Variants in RTN1 observed in about 807,000 individuals in gnomAD.
RTN1 encodes reticulon 1, also known as reticulon-1.
Under a neutral mutation model 65.5 loss-of-function variants are expected in RTN1, and 25 were observed. The ratio of observed to expected loss-of-function variants is 0.38; its 90% CI spans 0.28 to 0.53. The LOEUF is 0.53. RTN1 is among the 20% of genes least tolerant of loss of function. The probability of loss-of-function intolerance (pLI) is 0.79; values close to 1 mark genes in which losing one functional copy is unlikely to be tolerated. For synonymous variants in RTN1, 471 were observed against 447.6 expected (o/e 1.05, Z -0.66); for missense variants, 983 against 1,025.4 (o/e 0.96, Z 0.57).
At chr14:59,835,297 G>T (rs1166401624) in intron 1 of RTN1, among the ~76,000 whole-genome samples, 5 of 151,930 alleles carry the variant, frequency 3.3e-5, no homozygotes, top group Non-Finnish European at 7.4e-5. Context: ...AAAAATCAAG[G>T]AAACTAATGA....
chr14:59,612,562 T>C (rs115417329), intron 3 of RTN1, among the ~76,000 whole-genome samples: 8 of 152,348 alleles, frequency 5.3e-5, no homozygotes, highest in African/African-American at 1.7e-4. Context: ...TGTCTTTCTG[T>C]GTTCTGTAAC....
Position 59,749,559 on chromosome 14 carries a change from C to T in RTN1, c.242-3078G>A, listed in dbSNP as rs1327150984. 1.5e-3 allele frequency among the ~76,000 whole-genome samples: 45 copies of T among 29,446 alleles called. 11 individuals are homozygous for T. Among genetic ancestry groups the T allele is most frequent in the African/African-American group, 9.2e-3 (31 of 3,374 alleles). 19.3% of individuals were successfully genotyped at this position (29,446 alleles called of 152,430 possible). A position where few individuals can be genotyped will look rare whatever the true frequency, so the allele number is the denominator to read the frequency against. On this transcript the variant is annotated intron_variant, in intron 1 of 8. Coordinates refer to ENST00000267484, the MANE Select transcript of RTN1 (RefSeq NM_021136.3). The stretch of plus-strand genomic sequence containing the variant: ...TATCTATATATATTTATATAGATAT[C>T]TATATATAGATATATATATATAGAT...
chr14:59,841,015 T>G (rs1887301898), intron 1 of RTN1, among the ~76,000 whole-genome samples: 2 of 152,212 alleles, frequency 1.3e-5, no homozygotes, highest in African/African-American at 4.8e-5. Context: ...ATATGTGACC[T>G]TCAGCAGCTT....
chr14:59,682,442 C>A (rs58442584), intron 3 of RTN1, among the ~76,000 whole-genome samples: 3,550 of 152,268 alleles, frequency 0.023, 145 homozygotes, highest in African/African-American at 0.081. Context: ...GCCTTTCCTG[C>A]TGTTGAAGTT....
At position 59,726,966 on chromosome 14, in the gene RTN1, A is replaced by T. The variant is rs1332221144; in HGVS notation, c.1718T>A (p.Leu573Gln). 19 of 1,613,266 alleles carry T rather than the reference A, an allele frequency of 1.2e-5. No homozygotes were observed. Among genetic ancestry groups the T allele is most frequent in the Non-Finnish European group, 1.5e-5 (18 of 1,179,708 alleles). ...CAGTGGGGGCGGGGCGCCAGGACCT[A>T]GAGGCCCAGGGCCCTTTGTGGCCGC... is the stretch of plus-strand genomic sequence containing the variant. ...SPAATKGPGPLGPGAPPPLLF... is the reference protein window; with the variant it reads ...SPAATKGPGPQGPGAPPPLLF... The change falls in exon 3 of 9, where the codon CTA (leucine) becomes CAA (glutamine). Residue 573 changes from leucine (L) to glutamine (Q), a missense_variant. Leu to Gln is a moderately radical substitution (Grantham distance 113, BLOSUM62 -2). Around this residue, in one of 2 missense-constraint regions of RTN1, gnomAD observed 818 missense variants for 801.8 expected, o/e 1.02. Coordinates refer to ENST00000267484, the MANE Select transcript of RTN1 (RefSeq NM_021136.3).
At chr14:59,681,418 CCATA>C (rs201412681) in intron 3 of RTN1, among the ~76,000 whole-genome samples, 3,403 of 152,222 alleles carry the variant, frequency 0.022, 130 homozygotes, top group African/African-American at 0.078. Flanking sequence ...AAAATGTTCT[CCATA>C]CTATTTTTTC....
intron 3 of RTN1, chr14:59,630,419 C>A (rs1222887660): frequency 1.2e-6 from 2 of 1,612,842 alleles, no homozygotes; most frequent in African/African-American, 1.3e-5. Flanking sequence ...GCGCCTCAGG[C>A]ATGCACTACT....
At chr14:59,654,112 T>G (rs956712530) in intron 3 of RTN1, among the ~76,000 whole-genome samples, 2 of 152,080 alleles carry the variant, frequency 1.3e-5, no homozygotes, top group African/African-American at 4.8e-5. Context: ...CAGCAGTACT[T>G]CACAAATTCT....
At chr14:59,637,329 C>A (rs151010989) in intron 3 of RTN1, among the ~76,000 whole-genome samples, 51 of 152,298 alleles carry the variant, frequency 3.3e-4, no homozygotes, top group Middle Eastern at 6.8e-3. Flanking sequence ...TATCTTTGGG[C>A]TCTACTTCTA....
At chr14:59,780,476 T>C (rs1187193542) in intron 1 of RTN1, among the ~76,000 whole-genome samples, 1 of 152,162 alleles carries the variant, frequency 6.6e-6, no homozygotes, top group African/African-American at 2.4e-5. Context: ...AAGAAAGCAT[T>C]ACCTAATGGT....
chr14:59,789,739 C>T (rs1388051358), intron 1 of RTN1, among the ~76,000 whole-genome samples: 2 of 151,938 alleles, frequency 1.3e-5, no homozygotes, highest in African/African-American at 4.8e-5. Context: ...CACAAGGAGA[C>T]ATCTAGGATG....
At chr14:59,869,696 C>T (rs1408520412) in intron 1 of RTN1, among the ~76,000 whole-genome samples, 2 of 152,088 alleles carry the variant, frequency 1.3e-5, no homozygotes, top group Non-Finnish European at 2.9e-5. Context: ...TTCAATGCTC[C>T]CTGCAAGGTG....
At chr14:59,610,141 C>T (rs1410182958) in intron 3 of RTN1, 1 of 775,972 alleles carries the variant, frequency 1.3e-6, no homozygotes, top group Admixed American at 1.7e-5. Flanking sequence ...ATGGCATGCC[C>T]TCTAGGGAAG....
chr14:59,806,482 A>AACATATTTAATAACCCC (rs1886640967), intron 1 of RTN1, among the ~76,000 whole-genome samples: 1 of 152,056 alleles, frequency 6.6e-6, no homozygotes, highest in African/African-American at 2.4e-5. Flanking sequence ...CTTTTATTTT[A>AACATATTTAATAACCCC]AGGTCTGGGG....
chr14:59,735,296 C>T (rs1049081772), intron 2 of RTN1, among the ~76,000 whole-genome samples: 1 of 152,130 alleles, frequency 6.6e-6, no homozygotes, highest in African/African-American at 2.4e-5. Flanking sequence ...TTGAAGTATA[C>T]AGACCAGTGA....
chr14:59,684,776 T>C lies in RTN1; in HGVS notation c.1765+42143A>G, dbSNP rs1329344752. ...TCAGAAAATATCTTGATTTTGCTTATACGAATAATAGTTTGGGTGGGTATA... is the reference window on the plus strand; with the variant it reads ...TCAGAAAATATCTTGATTTTGCTTACACGAATAATAGTTTGGGTGGGTATA... On this transcript the variant is annotated intron_variant, in intron 3 of 8. Transcript: ENST00000267484. 2.0e-5 allele frequency among the ~76,000 whole-genome samples: 3 copies of C among 152,230 alleles called. No individual in the cohort carries two copies. In the South Asian group the frequency reaches 6.2e-4, roughly 32 times the overall value.
chr14:59,747,779 T>C (rs1395573474), intron 1 of RTN1, among the ~76,000 whole-genome samples: 1 of 152,098 alleles, frequency 6.6e-6, no homozygotes, highest in Non-Finnish European at 1.5e-5. Context: ...ACAAATTAAG[T>C]CCCACACTCT....
intron 3 of RTN1, 23 bp from the exon 4 acceptor site, chr14:59,607,515 C>T (rs772851348): frequency 1.4e-5 from 22 of 1,577,266 alleles, no homozygotes; most frequent in Non-Finnish European, 1.8e-5. Context: ...CCAAACACAC[C>T]CAGCTGAGCT....
intron 1 of RTN1, among the ~76,000 whole-genome samples, chr14:59,768,805 T>C (rs1023669303): frequency 6.6e-6 from 1 of 152,208 alleles, no homozygotes; most frequent in African/African-American, 2.4e-5. Context: ...AGCACTCTGC[T>C]AATAGCAGAG....
Sources: allele counts gnomAD v4.1 joint callset (sites outside exome capture counted in the v4.1 genomes callset), GRCh38; gene constraint gnomAD v4.1.1; regional missense constraint gnomAD v4.1.1; transcripts MANE v1.5; gene names NCBI Gene and HGNC (gene_info 2026-07-23, HGNC 2026-07-21).